Variants in TENM2 observed in about 807,000 individuals in gnomAD.
The protein encoded by TENM2 is teneurin transmembrane protein 2, also known as teneurin-2.
TENM2 carries 52 observed loss-of-function variants against 245.2 expected under a neutral mutation model. That is an observed-to-expected ratio of 0.21 (90% confidence interval 0.17 to 0.27). TENM2 has a LOEUF of 0.27. Ranked by LOEUF, TENM2 falls within the 10% of genes least tolerant of loss-of-function variation. The probability of loss-of-function intolerance (pLI) is 1.00; values close to 1 mark genes in which losing one functional copy is unlikely to be tolerated. For missense variants in TENM2, 3,046 were observed against 3,666.8 expected, an observed-to-expected ratio of 0.83 and a Z score of 4.37; for synonymous variants, 1,363 against 1,438.9, an observed-to-expected ratio of 0.95 and a Z score of 1.19.
intron 2 of TENM2, among the ~76,000 whole-genome samples, chr5:167,733,161 TTGGTCACC>T (rs1207520808): frequency 2.0e-5 from 3 of 152,142 alleles, no homozygotes; most frequent in Admixed American, 1.3e-4. Flanking sequence ...GCGGAGTTGA[TTGGTCACC>T]TGCTACCCCT....
chr5:167,650,761 G>C (rs553910507), intron 2 of TENM2, among the ~76,000 whole-genome samples: 1 of 152,256 alleles, frequency 6.6e-6, no homozygotes, highest in African/African-American at 2.4e-5. Context: ...TGAGCTGTAT[G>C]AGTCCGTCAC....
Position 167,993,187 on chromosome 5 carries a change from G to A in TENM2, c.1186+5G>A, listed in dbSNP as rs1398527571. 7 of 1,612,620 alleles carry A rather than the reference G, an allele frequency of 4.3e-6. No homozygotes were observed. The highest frequency in any genetic ancestry group is 3.3e-5 in the Admixed American group (2 of 60,002). On this transcript the variant is annotated splice_donor_5th_base_variant and intron_variant, in intron 5 of 28. Transcript: ENST00000518659. ...TTTTGCTGGCGTATTTCATAGGTAA[G>A]TCAGGGCAGCCTTATTCAGCAACGC...
intron 2 of TENM2, among the ~76,000 whole-genome samples, chr5:167,471,389 A>C (rs1260240715): frequency 2.0e-5 from 3 of 152,204 alleles, no homozygotes; most frequent in African/African-American, 7.2e-5. Context: ...AGTTTTCTAA[A>C]AAGGAATAAA....
chr5:167,732,005 G>C (rs777220327), intron 2 of TENM2, among the ~76,000 whole-genome samples: 24 of 151,960 alleles, frequency 1.6e-4, no homozygotes, highest in Non-Finnish European at 3.2e-4. Context: ...ATATAATTGC[G>C]GGCTTTAATC....
the TENM2 span, among the ~76,000 whole-genome samples, chr5:167,100,924 G>T: frequency 6.6e-6 from 1 of 152,144 alleles, no homozygotes; most frequent in Non-Finnish European, 1.5e-5. Context: ...GGACTAAAAA[G>T]GCAGTAATTG....
intron 1 of TENM2, among the ~76,000 whole-genome samples, chr5:167,350,411 ATATGTG>A (rs912343807): frequency 3.4e-5 from 3 of 88,436 alleles, no homozygotes; most frequent in Admixed American, 1.5e-4. Context: ...ATATACATAT[ATATGTG>A]TGTGTGTGTG....
the TENM2 span, among the ~76,000 whole-genome samples, chr5:167,278,760 C>T: frequency 5.8e-4 from 89 of 152,214 alleles, no homozygotes; most frequent in African/African-American, 1.9e-3. Context: ...TCTCTACATA[C>T]GTTTAGAATC....
At chr5:167,202,199 A>G in the TENM2 span, among the ~76,000 whole-genome samples, 3 of 152,190 alleles carry the variant, frequency 2.0e-5, no homozygotes, top group Admixed American at 2.0e-4. Flanking sequence ...TCTATGCAGC[A>G]CTTGGAGTCT....
chr5:167,704,004 T>C (rs2150452601), intron 2 of TENM2, among the ~76,000 whole-genome samples: 1 of 152,318 alleles, frequency 6.6e-6, no homozygotes, highest in East Asian at 1.9e-4. Flanking sequence ...ATCAAGCTTT[T>C]GTCTTAATAA....
chr5:167,036,006 G>C, the TENM2 span, among the ~76,000 whole-genome samples: 10 of 152,276 alleles, frequency 6.6e-5, no homozygotes, highest in African/African-American at 2.2e-4. Context: ...GCCTCCCAAA[G>C]TGCTGGGTTT....
chr5:167,558,038 A>T (rs530596034), intron 2 of TENM2, among the ~76,000 whole-genome samples: 2 of 152,224 alleles, frequency 1.3e-5, no homozygotes, highest in Admixed American at 1.3e-4. Context: ...ATAATTGCAT[A>T]GAAGATCTTC....
At chr5:167,011,708 G>A in the TENM2 span, among the ~76,000 whole-genome samples, 1 of 152,196 alleles carries the variant, frequency 6.6e-6, no homozygotes, top group Non-Finnish European at 1.5e-5. Context: ...GGAGGTAGAG[G>A]CTTTGTCCCC....
At chr5:167,255,183 A>C in the TENM2 span, among the ~76,000 whole-genome samples, 1 of 151,842 alleles carries the variant, frequency 6.6e-6, no homozygotes, top group African/African-American at 2.4e-5. Flanking sequence ...GTCAAATTAC[A>C]AGACAAATGA....
At chr5:167,180,701 A>T in the TENM2 span, among the ~76,000 whole-genome samples, 1 of 152,030 alleles carries the variant, frequency 6.6e-6, no homozygotes, top group African/African-American at 2.4e-5. Context: ...CTGCATTCCT[A>T]AAAAAAGGTA....
intron 2 of TENM2, among the ~76,000 whole-genome samples, chr5:167,491,268 C>T (rs918609297): frequency 6.6e-6 from 1 of 152,142 alleles, no homozygotes; most frequent in East Asian, 1.9e-4. Flanking sequence ...TGAAGCCATA[C>T]AGTATTCCAC....
At chr5:167,172,234 G>A in the TENM2 span, among the ~76,000 whole-genome samples, 5 of 152,168 alleles carry the variant, frequency 3.3e-5, no homozygotes, top group Middle Eastern at 3.2e-3. Context: ...ATGCTACAAC[G>A]TGAATATTTG....
chr5:168,254,490 G>A (rs1581781915), intron 27 of TENM2, among the ~76,000 whole-genome samples: 2 of 151,044 alleles, frequency 1.3e-5, no homozygotes, highest in Middle Eastern at 6.8e-3. Flanking sequence ...GGGAGGAAGA[G>A]GAAGAGGAAG....
chr5:168,174,995 G>A (rs1203969379), intron 13 of TENM2, among the ~76,000 whole-genome samples: 1 of 152,144 alleles, frequency 6.6e-6, no homozygotes, highest in Non-Finnish European at 1.5e-5. Context: ...GCCCCACTTA[G>A]GACAGGTGGT....
At chr5:167,226,950 A>G in the TENM2 span, among the ~76,000 whole-genome samples, 2 of 151,848 alleles carry the variant, frequency 1.3e-5, no homozygotes, top group African/African-American at 4.8e-5. Flanking sequence ...ATATGTATAT[A>G]TATGTGTGTA....
Sources: allele counts gnomAD v4.1 joint callset (sites outside exome capture counted in the v4.1 genomes callset), GRCh38; gene constraint gnomAD v4.1.1; transcripts MANE v1.5; gene names NCBI Gene and HGNC (gene_info 2026-07-23, HGNC 2026-07-21).